The following MAGI1 variants were observed in gnomAD, a reference collection of about 807,000 sequenced individuals.
MAGI1 encodes the protein membrane-associated guanylate kinase, WW and PDZ domain-containing protein 1.
MAGI1 carries 58 observed loss-of-function variants against 139.9 expected under a neutral mutation model. The ratio of observed to expected loss-of-function variants is 0.41; its 90% CI spans 0.34 to 0.52. MAGI1 has a LOEUF of 0.52. Ranked by LOEUF, MAGI1 falls within the 20% of genes least tolerant of loss-of-function variation. The pLI, the probability that MAGI1 is intolerant of heterozygous loss-of-function variation, is 0.12. For synonymous variants in MAGI1, 812 were observed against 737.9 expected (o/e 1.10, Z -1.63); for missense variants, 1,874 against 1,901.6 (o/e 0.99, Z 0.27).
At chr3:65,704,677 A>T (rs1268964900) in intron 1 of MAGI1, among the ~76,000 whole-genome samples, 2 of 152,150 alleles carry the variant, frequency 1.3e-5, no homozygotes, top group African/African-American at 4.8e-5. Context: ...CTTTTTCAAC[A>T]ATCATTTTAA....
In MAGI1 at chr3:65,391,274, G is replaced by A; in HGVS notation, c.2284C>T (p.His762Tyr). ...AACTCGGGGAGCACCTGTGTGCTGT[G>A]GCTTGGGGATGCTGTGTGCAGGCTT... ...HRSLHTASPS[H>Y]STQVLPEFPP... Residue 762 changes from histidine to tyrosine, a missense_variant, in exon 14 of 23, where the codon CAC becomes TAC. Coordinates refer to ENST00000402939, the MANE Select transcript of MAGI1 (RefSeq NM_001033057.2). 6.2e-7 allele frequency: 1 copy of A among 1,614,164 alleles called. No individual in the cohort carries two copies. The highest frequency in any genetic ancestry group is 8.5e-7 in the Non-Finnish European group (1 of 1,180,050).
At position 65,756,992 on chromosome 3, in the gene MAGI1, T is replaced by A. The variant is rs79845817; in HGVS notation, c.314-134904A>T. ...TAACTCAAATACCATACTGAAATAA[T>A]TCTTTTCAGACACTTAAGAAAACAT... On this transcript the variant is annotated intron_variant, in intron 1 of 22. Transcript: ENST00000402939. Among the ~76,000 whole-genome samples the A allele has an allele frequency of 2.3e-4, 35 of 152,346 alleles. No homozygotes were observed. The East Asian group carries it at 5.6e-3, about 24-fold the overall frequency.
chr3:66,037,189 G>C (rs2068973337), intron 1 of MAGI1, among the ~76,000 whole-genome samples: 1 of 152,136 alleles, frequency 6.6e-6, no homozygotes, highest in South Asian at 2.1e-4. Flanking sequence ...ATATAAATAA[G>C]AACAACTCGT....
At chr3:66,023,979 C>T (rs2068094741) in intron 1 of MAGI1, among the ~76,000 whole-genome samples, 1 of 152,140 alleles carries the variant, frequency 6.6e-6, no homozygotes, top group Non-Finnish European at 1.5e-5. Flanking sequence ...AATTGGAAAG[C>T]TGTCACCAGC....
chr3:65,662,497 G>A (rs1301840740), intron 1 of MAGI1, among the ~76,000 whole-genome samples: 1 of 152,240 alleles, frequency 6.6e-6, no homozygotes, highest in African/African-American at 2.4e-5. Flanking sequence ...TATTGGGACA[G>A]GTGTGGTTTA....
intron 1 of MAGI1, among the ~76,000 whole-genome samples, chr3:66,002,653 C>A (rs2066807324): frequency 6.6e-6 from 1 of 151,980 alleles, no homozygotes; most frequent in Non-Finnish European, 1.5e-5. Context: ...TAGCTGGGAT[C>A]ACAGGCACCC....
At position 65,778,441 on chromosome 3, in the gene MAGI1, A is replaced by AAT. The variant is rs1553705707; in HGVS notation, c.314-156354_314-156353insAT. On this transcript the variant is annotated intron_variant, in intron 1 of 22. Coordinates refer to ENST00000402939, the MANE Select transcript of MAGI1 (RefSeq NM_001033057.2). ...GTGAAACTCTGTCTCAAAAAAAAAA[A>AAT]AAATAAATAAATAAGTCTTTTGAGA... Among the ~76,000 whole-genome samples, 43 of 145,778 alleles carry AAT rather than the reference A, an allele frequency of 2.9e-4. 2 individuals carry two copies. The highest frequency in any genetic ancestry group is 8.2e-4 in the African/African-American group (32 of 39,222).
In MAGI1 at chr3:65,430,809, C is replaced by G. The variant is rs1438112123; in HGVS notation, c.1436G>C (p.Ser479Thr). The G allele has an allele frequency of 1.9e-6, 3 of 1,613,562 alleles. No individual in the cohort carries two copies. The highest frequency in any genetic ancestry group is 1.7e-6 in the Non-Finnish European group (2 of 1,179,796). Residue 479 changes from serine (S) to threonine (T), a missense_variant, in exon 11 of 23, where the codon AGT (serine) becomes ACT (threonine). Physicochemically the swap from Ser to Thr is moderately conservative, Grantham distance 58. Coordinates refer to ENST00000402939, the MANE Select transcript of MAGI1 (RefSeq NM_001033057.2). ...AACCACCGTGAAGCCAAAGCCACGA[C>G]TGCTTTTCCGCAGCTTTGTGTGAAT... The part of the protein sequence containing the change: ...KFIHTKLRKS[S>T]RGFGFTVVGG...
chr3:65,525,598 C>T (rs962252761), intron 2 of MAGI1, among the ~76,000 whole-genome samples: 2 of 152,166 alleles, frequency 1.3e-5, no homozygotes, highest in South Asian at 4.1e-4. Context: ...TCAACGAATG[C>T]TCTGGTCTGG....
intron 1 of MAGI1, among the ~76,000 whole-genome samples, chr3:65,947,189 T>C (rs1457629277): frequency 6.6e-6 from 1 of 152,134 alleles, no homozygotes; most frequent in Non-Finnish European, 1.5e-5. Flanking sequence ...GATCCTAATG[T>C]TGAAAGAAAA....
chr3:65,879,544 G>A (rs560419855), intron 1 of MAGI1, among the ~76,000 whole-genome samples: 5 of 152,156 alleles, frequency 3.3e-5, no homozygotes, highest in Non-Finnish European at 5.9e-5. Context: ...CTGACCACCT[G>A]TGACATAATC....
At chr3:66,016,066 A>AT (rs5849707) in intron 1 of MAGI1, among the ~76,000 whole-genome samples, 76,495 of 152,074 alleles carry the variant, frequency 0.5, 20,540 homozygotes, top group East Asian at 0.78. Context: ...AGGAAAGAAG[A>AT]TAAAAACCCA....
intron 1 of MAGI1, among the ~76,000 whole-genome samples, chr3:65,689,268 T>G (rs2088356042): frequency 6.6e-6 from 1 of 152,238 alleles, no homozygotes; most frequent in Non-Finnish European, 1.5e-5. Flanking sequence ...AAGTAAGTTC[T>G]GTTTTGAACC....
chr3:65,911,735 C>G (rs1471532141), intron 1 of MAGI1, among the ~76,000 whole-genome samples: 1 of 152,170 alleles, frequency 6.6e-6, no homozygotes, highest in African/African-American at 2.4e-5. Flanking sequence ...TACCCATGCT[C>G]CAAACAAATT....
chr3:65,535,684 G>A (rs2078928777), intron 2 of MAGI1, among the ~76,000 whole-genome samples: 1 of 152,168 alleles, frequency 6.6e-6, no homozygotes. Context: ...TCAGCTGAAA[G>A]CTGTTTTATG....
rs113039359 is a variant in MAGI1, at chr3:65,400,824, G to A, written c.2199+615C>T. 2.8e-3 allele frequency among the ~76,000 whole-genome samples: 335 copies of A among 120,648 alleles called. 2 individuals are homozygous for A. The highest frequency in any genetic ancestry group is 0.011 in the African/African-American group (331 of 30,760). 79.1% of individuals were successfully genotyped at this position (120,648 alleles called of 152,430 possible). A position where few individuals can be genotyped will look rare whatever the true frequency, so the allele number is the denominator to read the frequency against. On this transcript the variant is annotated intron_variant, in intron 13 of 22. Transcript: ENST00000402939. ...ATACCTGCAGCATAATGCTGCTAAA[G>A]CTGGCAAAACAACAAAGGACATTTC... is the stretch of plus-strand genomic sequence containing the variant.
chr3:65,517,635 T>G (rs1382200773), intron 2 of MAGI1, among the ~76,000 whole-genome samples: 1 of 152,196 alleles, frequency 6.6e-6, no homozygotes, highest in African/African-American at 2.4e-5. Context: ...CCTGGCAGCA[T>G]AAGTTGGTTC....
At chr3:65,948,542 T>C (rs982792846) in intron 1 of MAGI1, among the ~76,000 whole-genome samples, 6 of 152,144 alleles carry the variant, frequency 3.9e-5, no homozygotes, top group Non-Finnish European at 8.8e-5. Context: ...GAAATTACAG[T>C]TTGAGTTAGG....
intron 13 of MAGI1, among the ~76,000 whole-genome samples, chr3:65,398,330 G>A (rs562901378): frequency 2.6e-5 from 4 of 152,056 alleles, no homozygotes; most frequent in South Asian, 2.1e-4. Flanking sequence ...TGAGACTCCC[G>A]CCTCTACAAA....
Sources: gnomAD v4.1 joint callset for allele counts (sites outside exome capture counted in the v4.1 genomes callset) on GRCh38, gnomAD v4.1.1 for gene constraint, MANE v1.5 for transcripts, NCBI Gene and HGNC (gene_info 2026-07-23, HGNC 2026-07-21) for gene names.